GRID2: variants seen among roughly 807,000 people sequenced by gnomAD.
GRID2 encodes the protein glutamate receptor ionotropic, delta-2.
In GRID2, 33 loss-of-function variants were observed where a neutral mutation model predicts 114.8. The observed-to-expected ratio is 0.29, with a 90% CI of 0.22 to 0.38. The LOEUF (loss-of-function observed/expected upper bound fraction) is 0.38, where lower values mean the gene tolerates loss of function less well. GRID2 is among the 10% of genes least tolerant of loss of function. GRID2 has a pLI of 1.00. For synonymous variants in GRID2, 505 were observed against 449.9 expected, an observed-to-expected ratio of 1.12 and a Z score of -1.55; for missense variants, 1,184 against 1,257.7, an observed-to-expected ratio of 0.94 and a Z score of 0.89.
At chr4:92,401,863 A>G (rs1579301678) in intron 1 of GRID2, among the ~76,000 whole-genome samples, 1 of 152,180 alleles carries the variant, frequency 6.6e-6, no homozygotes, top group East Asian at 1.9e-4. Context: ...AGTTGACACT[A>G]TCTTGCCCAT....
intron 2 of GRID2, among the ~76,000 whole-genome samples, chr4:92,972,253 T>C (rs1281253014): frequency 6.6e-6 from 1 of 151,922 alleles, no homozygotes; most frequent in Non-Finnish European, 1.5e-5. Flanking sequence ...TGGGGTGAGA[T>C]GATATCTCAT....
intron 4 of GRID2, among the ~76,000 whole-genome samples, chr4:93,181,331 T>A (rs934022298): frequency 3.9e-5 from 6 of 152,190 alleles, no homozygotes; most frequent in African/African-American, 1.4e-4. Context: ...TGTAAACAGA[T>A]GTGCTGTCAT....
chr4:92,628,942 T>C (rs1730656528), intron 2 of GRID2, among the ~76,000 whole-genome samples: 1 of 152,032 alleles, frequency 6.6e-6, no homozygotes, highest in African/African-American at 2.4e-5. Flanking sequence ...TTTGTGCCAG[T>C]AATTGTGGGG....
chr4:92,327,366 T>TTGTG (rs33960256), intron 1 of GRID2, among the ~76,000 whole-genome samples: 13 of 150,072 alleles, frequency 8.7e-5, no homozygotes, highest in South Asian at 4.2e-4. Flanking sequence ...ATCCTAGATT[T>TTGTG]TGTGTGTGTG....
chr4:93,124,648 T>A (rs1734112159), intron 4 of GRID2, among the ~76,000 whole-genome samples: 1 of 152,172 alleles, frequency 6.6e-6, no homozygotes, highest in African/African-American at 2.4e-5. Flanking sequence ...ATCAATATTT[T>A]AGTTTTGTAG....
intron 6 of GRID2, among the ~76,000 whole-genome samples, chr4:93,223,193 T>C (rs976981837): frequency 6.6e-6 from 1 of 152,130 alleles, no homozygotes; most frequent in Admixed American, 6.6e-5. Flanking sequence ...CATTCTTTTG[T>C]AGTCTATCTA....
chr4:93,564,440 T>C (rs1735219001), intron 13 of GRID2, among the ~76,000 whole-genome samples: 1 of 152,052 alleles, frequency 6.6e-6, no homozygotes, highest in Non-Finnish European at 1.5e-5. Context: ...AAGGTCGCAC[T>C]GAGTGCACTT....
chr4:93,065,175 A>T (rs1368272210), intron 2 of GRID2, among the ~76,000 whole-genome samples: 1 of 151,882 alleles, frequency 6.6e-6, no homozygotes, highest in African/African-American at 2.4e-5. Context: ...AGAGAAAAAA[A>T]CCCAAGTGAG....
intron 2 of GRID2, among the ~76,000 whole-genome samples, chr4:92,683,299 A>G (rs1159441371): frequency 6.6e-6 from 1 of 151,834 alleles, no homozygotes; most frequent in Non-Finnish European, 1.5e-5. Context: ...ACTCCATATC[A>G]GAAAAAAAAA....
At chr4:93,011,258 C>G (rs553491436) in intron 2 of GRID2, among the ~76,000 whole-genome samples, 86 of 151,616 alleles carry the variant, frequency 5.7e-4, no homozygotes, top group African/African-American at 2.0e-3. Flanking sequence ...ATAGGTATTG[C>G]CAATGATTTT....
chr4:92,916,039 G>A (rs1578459358), intron 2 of GRID2, among the ~76,000 whole-genome samples: 1 of 152,080 alleles, frequency 6.6e-6, no homozygotes, highest in East Asian at 1.9e-4. Context: ...TCTCTTAATA[G>A]TTTTCTTTGC....
intron 9 of GRID2, among the ~76,000 whole-genome samples, chr4:93,415,423 T>G (rs940248134): frequency 5.3e-5 from 8 of 152,078 alleles, no homozygotes; most frequent in African/African-American, 1.9e-4. Context: ...ACAAAAAATA[T>G]TATCCAGCAC....
At chr4:93,021,719 A>G (rs1723356789) in intron 2 of GRID2, among the ~76,000 whole-genome samples, 1 of 145,532 alleles carries the variant, frequency 6.9e-6, no homozygotes, top group African/African-American at 2.5e-5. Flanking sequence ...ATAATTATTT[A>G]TAATATGTAT....
At position 92,367,675 on chromosome 4, in the gene GRID2, C is replaced by G. The variant is rs1728934773; in HGVS notation, c.88+62931C>G. Among the ~76,000 whole-genome samples the G allele has an allele frequency of 2.6e-5, 4 of 152,028 alleles. No homozygotes were observed. In the South Asian group the frequency reaches 8.3e-4, roughly 32 times the overall value. On this transcript the variant is annotated intron_variant, in intron 1 of 15. Transcript: ENST00000282020. ...GATACATAAGCTATGGTATTTTCAT[C>G]TAAGTGAAGTTGGAAGTCATTTAAA...
chr4:93,373,435 G>A (rs1763106812), intron 8 of GRID2, among the ~76,000 whole-genome samples: 1 of 151,892 alleles, frequency 6.6e-6, no homozygotes, highest in Non-Finnish European at 1.5e-5. Flanking sequence ...TCAGTGTATA[G>A]TACAAATATG....
intron 2 of GRID2, among the ~76,000 whole-genome samples, chr4:92,864,866 T>G (rs1744756244): frequency 6.6e-6 from 1 of 152,204 alleles, no homozygotes; most frequent in Non-Finnish European, 1.5e-5. Flanking sequence ...GGAAATATTC[T>G]GATTGAAAAT....
At chr4:93,509,037 C>T (rs561988800) in intron 12 of GRID2, among the ~76,000 whole-genome samples, 94 of 152,192 alleles carry the variant, frequency 6.2e-4, no homozygotes, top group African/African-American at 2.1e-3. Context: ...AGGCTTAAGC[C>T]AAATTTTTGA....
intron 14 of GRID2, among the ~76,000 whole-genome samples, chr4:93,690,084 A>C (rs1726423300): frequency 6.6e-6 from 1 of 152,118 alleles, no homozygotes; most frequent in Admixed American, 6.6e-5. Context: ...TATAGGATAA[A>C]CTTATTTGCA....
At chr4:92,639,233 G>C (rs6848602) in intron 2 of GRID2, among the ~76,000 whole-genome samples, 3,850 of 151,742 alleles carry the variant, frequency 0.025, 179 homozygotes, top group African/African-American at 0.088. Flanking sequence ...TATGGATAGA[G>C]TTACTGCTTT....
Sources: allele counts gnomAD v4.1 joint callset (sites outside exome capture counted in the v4.1 genomes callset), GRCh38; gene constraint gnomAD v4.1.1; transcripts MANE v1.5; gene names NCBI Gene and HGNC (gene_info 2026-07-23, HGNC 2026-07-21).